Variants in CLASP1 observed in about 807,000 individuals in gnomAD.
CLASP1 encodes CLIP-associating protein 1.
Under a neutral mutation model 192.3 loss-of-function variants are expected in CLASP1, and 38 were observed. The observed-to-expected ratio is 0.20, with a 90% CI of 0.15 to 0.26. The LOEUF is 0.26. Ranked by LOEUF, CLASP1 falls within the 10% of genes least tolerant of loss-of-function variation. CLASP1 has a pLI of 1.00. For synonymous variants in CLASP1, 691 were observed against 712.8 expected (o/e 0.97, Z 0.49); for missense variants, 1,433 against 1,932.5 (o/e 0.74, Z 4.85).
chr2:121,448,291 T>G (rs762936346), exon 18 of CLASP1: 11 of 1,613,668 alleles, frequency 6.8e-6, no homozygotes, highest in Non-Finnish European at 9.3e-6. Flanking sequence ...GATGTGGTAC[T>G]TCCAGTAGGA....
At chr2:121,517,081 AG>A (rs1440929345) in intron 6 of CLASP1, among the ~76,000 whole-genome samples, 1 of 152,260 alleles carries the variant, frequency 6.6e-6, no homozygotes. Context: ...TCAAGAAAAA[AG>A]TATGTGTCTG....
intron 2 of CLASP1, among the ~76,000 whole-genome samples, chr2:121,547,907 A>G (rs2057630149): frequency 6.6e-6 from 1 of 152,212 alleles, no homozygotes; most frequent in South Asian, 2.1e-4. Context: ...CTGTGAAAAC[A>G]TCCAGCAAAT....
At position 121,470,421 on chromosome 2, in the gene CLASP1, TTAAAC is replaced by T. The variant is rs899495110; in HGVS notation, c.713-466_713-462del. On this transcript the variant is annotated intron_variant, in intron 8 of 39. Transcript: ENST00000263710. ...TGTACTTGGTCACCTGGTACACACT[TTAAAC>T]TAACAGCTGAGATGAGAGTATATAT... 13 of 427,126 alleles carry T rather than the reference TTAAAC, an allele frequency of 3.0e-5. No homozygotes were observed. In the East Asian group the frequency reaches 3.7e-4, roughly 12 times the overall value. The allele number at this position is 427,126 out of a possible 1,614,324, so 26.5% of individuals were successfully genotyped here. A position where few individuals can be genotyped will look rare whatever the true frequency, so the allele number is the denominator to read the frequency against.
chr2:121,348,404 T>C, intron 38 of CLASP1, 108 bp downstream of exon 39: 1 of 1,027,268 alleles, frequency 9.7e-7, no homozygotes, highest in Non-Finnish European at 1.4e-6. Flanking sequence ...TGCCTGGTTT[T>C]TCCTACCCGT....
At chr2:121,613,219 T>C (rs1010926337) in intron 1 of CLASP1, among the ~76,000 whole-genome samples, 3 of 152,228 alleles carry the variant, frequency 2.0e-5, no homozygotes, top group African/African-American at 7.2e-5. Context: ...ACCCCTTTCA[T>C]TCTCCAACAT....
chr2:121,581,607 A>G lies in CLASP1; in HGVS notation c.195+24094T>C, dbSNP rs908487076. ...TCTTAAGTAAGAAATAAATAAGGCC[A>G]GGAATGGTGGCTCAAGCCTATAATC... On this transcript the variant is annotated intron_variant, in intron 2 of 39. Transcript: ENST00000263710. Among the ~76,000 whole-genome samples the G allele has an allele frequency of 2.9e-3, 448 of 152,290 alleles. 10 individuals are homozygous for G. Among genetic ancestry groups the G allele is most frequent in the Non-Finnish European group, 6.6e-4 (45 of 68,016 alleles).
rs750878745 is a variant in CLASP1, at chr2:121,530,964, A to C, written c.196-639T>G. 15 of 700,348 alleles carry C rather than the reference A, an allele frequency of 2.1e-5. No individual in the cohort carries two copies. Among genetic ancestry groups the C allele is most frequent in the South Asian group, 5.9e-5 (4 of 67,512 alleles). 43.4% of individuals were successfully genotyped at this position (700,348 alleles called of 1,614,324 possible). A position where few individuals can be genotyped will look rare whatever the true frequency, so the allele number is the denominator to read the frequency against. ...GCTAACGCCTGAACAACACACCCGC[A>C]TCAACTAGAGCTTTTGCTTTATTTT... On this transcript the variant is annotated intron_variant, in intron 2 of 39. Coordinates refer to ENST00000263710, the Ensembl canonical transcript of CLASP1.
Position 121,428,643 on chromosome 2 carries a change from A to G in CLASP1, c.2018-1213T>C, listed in dbSNP as rs2080868971. ...ATCCAGTTTAAGTTCTACACTAAGG[A>G]GGGCATTCTTGGTCTTAACGGACTC... is the stretch of plus-strand genomic sequence containing the variant. On this transcript the variant is annotated intron_variant, in intron 20 of 39. Transcript: ENST00000263710. 1.3e-5 allele frequency among the ~76,000 whole-genome samples: 2 copies of G among 152,172 alleles called. 1 individual carries two copies. The highest frequency in any genetic ancestry group is 4.1e-4 in the South Asian group (2 of 4,828).
chr2:121,374,727 C>T (rs2069593311), intron 34 of CLASP1, among the ~76,000 whole-genome samples: 1 of 152,166 alleles, frequency 6.6e-6, no homozygotes, highest in East Asian at 1.9e-4. Context: ...TTAATGACTG[C>T]CCTCCTGGGT....
chr2:121,448,792 C>T (rs181317989), intron 17 of CLASP1, among the ~76,000 whole-genome samples, 161 bp downstream of exon 17: 3 of 152,354 alleles, frequency 2.0e-5, no homozygotes, highest in Non-Finnish European at 4.4e-5. Context: ...TATTTCTCAC[C>T]ACTCCATGGT....
intron 22 of CLASP1, among the ~76,000 whole-genome samples, chr2:121,422,857 T>C (rs549967596): frequency 1.3e-5 from 2 of 152,308 alleles, no homozygotes; most frequent in Admixed American, 1.3e-4. Context: ...AAACCTAGTT[T>C]AGCTATCATT....
chr2:121,568,398 C>T (rs942969524), intron 2 of CLASP1, among the ~76,000 whole-genome samples: 2 of 151,912 alleles, frequency 1.3e-5, no homozygotes, highest in Non-Finnish European at 2.9e-5. Context: ...TAACAAATGA[C>T]CCTCAGAAAA....
At chr2:121,553,324 T>G (rs911270305) in intron 2 of CLASP1, among the ~76,000 whole-genome samples, 10 of 152,110 alleles carry the variant, frequency 6.6e-5, no homozygotes, top group African/African-American at 2.4e-4. Flanking sequence ...AACCTTCACA[T>G]GTACCCTGGA....
At chr2:121,490,241 A>T (rs1464811572) in intron 8 of CLASP1, 3 of 439,424 alleles carry the variant, frequency 6.8e-6, no homozygotes, top group Non-Finnish European at 1.4e-5. Flanking sequence ...AATAATTATA[A>T]ACACTTTTCA....
At chr2:121,544,488 TG>T (rs2095292393) in intron 2 of CLASP1, among the ~76,000 whole-genome samples, 1 of 151,776 alleles carries the variant, frequency 6.6e-6, no homozygotes, top group African/African-American at 2.4e-5. Context: ...AATTGAAATC[TG>T]GAAAAACATA....
chr2:121,498,459 G>A (rs753031034), intron 8 of CLASP1, among the ~76,000 whole-genome samples: 26 of 152,098 alleles, frequency 1.7e-4, no homozygotes, highest in Admixed American at 2.6e-4. Flanking sequence ...TGCCTGTCTC[G>A]GTCTCGCAAA....
intron 23 of CLASP1, 114 bp downstream of exon 23, chr2:121,418,507 AG>A (rs2078968628): frequency 1.4e-6 from 1 of 732,046 alleles, no homozygotes; most frequent in Admixed American, 2.3e-5. Flanking sequence ...GAAAGAAAGA[AG>A]AAAGGATCAC....
At chr2:121,470,377 G>A (rs1222180346) in intron 8 of CLASP1, 8 of 456,954 alleles carry the variant, frequency 1.8e-5, no homozygotes, top group Non-Finnish European at 3.4e-5. Flanking sequence ...AAGGTGCTAG[G>A]ATGACAGGCA....
At position 121,441,733 on chromosome 2, in the gene CLASP1, A is replaced by G. The variant is rs2083381738; in HGVS notation, c.1912+5604T>C. 2.6e-5 allele frequency among the ~76,000 whole-genome samples: 4 copies of G among 152,002 alleles called. No individual in the cohort carries two copies. In the South Asian group the frequency reaches 8.3e-4, roughly 32 times the overall value. ...CACTCCAGAGCCTGGGTAACAAATG[A>G]GACCCTGCCTTTAAAAAAAAAAAAA... On this transcript the variant is annotated intron_variant, in intron 19 of 39. Coordinates refer to ENST00000263710, the Ensembl canonical transcript of CLASP1.
Sources: gnomAD v4.1 joint callset for allele counts (sites outside exome capture counted in the v4.1 genomes callset) on GRCh38, gnomAD v4.1.1 for gene constraint, MANE v1.5 for transcripts, NCBI Gene and HGNC (gene_info 2026-07-23, HGNC 2026-07-21) for gene names.